Variants in RANBP2 observed in about 807,000 individuals in gnomAD.
RANBP2 encodes the protein RAN binding protein 2, also known as E3 SUMO-protein ligase RanBP2.
In RANBP2, 57 loss-of-function variants were observed where a neutral mutation model predicts 303.6. The ratio of observed to expected loss-of-function variants is 0.19; its 90% CI spans 0.15 to 0.23. The LOEUF (loss-of-function observed/expected upper bound fraction) is 0.23, where lower values mean the gene tolerates loss of function less well. Among genes scored for constraint, RANBP2 ranks in the 10% least tolerant of loss-of-function variants. The pLI is 1.00. For synonymous variants in RANBP2, 1,167 were observed against 1,301.5 expected (o/e 0.90, Z 2.23); for missense variants, 3,138 against 3,780.8 (o/e 0.83, Z 4.46).
the RANBP2 span, among the ~76,000 whole-genome samples, chr2:109,512,484 C>T: frequency 2.0e-5 from 3 of 152,102 alleles, no homozygotes; most frequent in African/African-American, 7.2e-5. Context: ...CTCTGTACCG[C>T]GCTGGGCACC....
the RANBP2 span, among the ~76,000 whole-genome samples, chr2:109,159,325 C>T: frequency 6.6e-6 from 1 of 152,162 alleles, no homozygotes; most frequent in Non-Finnish European, 1.5e-5. Flanking sequence ...CTCGTCCTGC[C>T]GAGAGGGTGC....
the RANBP2 span, among the ~76,000 whole-genome samples, chr2:109,352,406 A>G: frequency 6.6e-6 from 1 of 152,188 alleles, no homozygotes; most frequent in South Asian, 2.1e-4. Context: ...GCCTGGGGGT[A>G]GCGGAGCTGA....
At chr2:108,758,363 A>G (rs756277043) in intron 17 of RANBP2, 50 bp from the exon 18 acceptor site, 1 of 1,609,122 alleles carries the variant, frequency 6.2e-7, no homozygotes, top group Non-Finnish European at 8.5e-7. Context: ...TGTTTCTGTC[A>G]TGATATAATT....
chr2:109,075,579 C>CAAAAAAAAAA, the RANBP2 span, among the ~76,000 whole-genome samples: 4 of 109,672 alleles, frequency 3.6e-5, no homozygotes, highest in East Asian at 2.7e-4. Flanking sequence ...CTTAGACAAA[C>CAAAAAAAAAA]AAAAAAAAAA....
At chr2:109,136,850 C>T in the RANBP2 span, among the ~76,000 whole-genome samples, 1 of 152,130 alleles carries the variant, frequency 6.6e-6, no homozygotes, top group Non-Finnish European at 1.5e-5. Context: ...CACCGGGGCA[C>T]CTGTAAATGT....
At chr2:108,822,205 A>G in the RANBP2 span, among the ~76,000 whole-genome samples, 4 of 152,356 alleles carry the variant, frequency 2.6e-5, no homozygotes, top group Non-Finnish European at 4.4e-5. Context: ...AACTGTTACA[A>G]GAGACAAAGG....
the RANBP2 span, among the ~76,000 whole-genome samples, chr2:109,058,328 G>A: frequency 6.6e-6 from 1 of 152,156 alleles, no homozygotes; most frequent in Non-Finnish European, 1.5e-5. Flanking sequence ...GCATCCAATG[G>A]GACTAGGGTC....
chr2:108,817,176 A>G, the RANBP2 span, among the ~76,000 whole-genome samples: 1 of 152,240 alleles, frequency 6.6e-6, no homozygotes, highest in Non-Finnish European at 1.5e-5. Flanking sequence ...GGTCCTGGTA[A>G]TCACACAAAC....
the RANBP2 span, among the ~76,000 whole-genome samples, chr2:109,172,667 T>C: frequency 6.6e-6 from 1 of 152,332 alleles, no homozygotes; most frequent in Non-Finnish European, 1.5e-5. Context: ...TGGGATCTGA[T>C]ACTGCTGGGC....
chr2:108,736,280 A>G (rs375522599), intron 6 of RANBP2, 31 bp downstream of exon 6: 26 of 1,611,828 alleles, frequency 1.6e-5, no homozygotes, highest in African/African-American at 5.3e-5. Context: ...ATGCTTTAGT[A>G]TAAATTGCAG....
At chr2:109,437,205 C>G in the RANBP2 span, 8 of 1,537,214 alleles carry the variant, frequency 5.2e-6, no homozygotes, top group Non-Finnish European at 7.0e-6. Flanking sequence ...CTGGGACATG[C>G]TTGTGAGACA....
chr2:109,350,739 T>G, the RANBP2 span, among the ~76,000 whole-genome samples: 1 of 152,200 alleles, frequency 6.6e-6, no homozygotes, highest in Non-Finnish European at 1.5e-5. Flanking sequence ...TCTGACAACC[T>G]CCATGTGAAT....
chr2:108,911,416 G>GGAAGGCAGCACAATT, the RANBP2 span, among the ~76,000 whole-genome samples: 1 of 152,032 alleles, frequency 6.6e-6, no homozygotes, highest in African/African-American at 2.4e-5. Flanking sequence ...AACAAGAGTG[G>GGAAGGCAGCACAATT]CTGGAAGGCA....
chr2:108,750,129 G>C (rs1471118308), intron 9 of RANBP2, among the ~76,000 whole-genome samples: 1 of 152,258 alleles, frequency 6.6e-6, no homozygotes, highest in Non-Finnish European at 1.5e-5. Flanking sequence ...CTGGGCGACA[G>C]AGCGAGACTT....
chr2:109,364,175 A>AT, the RANBP2 span, among the ~76,000 whole-genome samples: 35 of 135,742 alleles, frequency 2.6e-4, no homozygotes, highest in South Asian at 7.0e-4. Flanking sequence ...TTTTTTTCTA[A>AT]TTTTTTTTTT....
chr2:108,869,350 C>G, the RANBP2 span, among the ~76,000 whole-genome samples: 1 of 152,126 alleles, frequency 6.6e-6, no homozygotes, highest in Non-Finnish European at 1.5e-5. Flanking sequence ...GTAAATGGCC[C>G]AGTTCTCCAT....
the RANBP2 span, among the ~76,000 whole-genome samples, chr2:109,295,414 T>G: frequency 0.029 from 4,451 of 152,310 alleles, 223 homozygotes; most frequent in African/African-American, 0.1. Flanking sequence ...GTCTTCAGTG[T>G]CTAAAGAACT....
At chr2:109,200,941 G>T in the RANBP2 span, among the ~76,000 whole-genome samples, 1 of 152,142 alleles carries the variant, frequency 6.6e-6, no homozygotes, top group Non-Finnish European at 1.5e-5. Flanking sequence ...TGCAGACCTC[G>T]CAGTGGCCCG....
chr2:109,675,978 A>G, the RANBP2 span, among the ~76,000 whole-genome samples: 1 of 152,248 alleles, frequency 6.6e-6, no homozygotes, highest in African/African-American at 2.4e-5. Flanking sequence ...TGAGAGCACC[A>G]TAGCCAGTGA....
Sources: gnomAD v4.1 joint callset for allele counts (sites outside exome capture counted in the v4.1 genomes callset) on GRCh38, gnomAD v4.1.1 for gene constraint, MANE v1.5 for transcripts, NCBI Gene and HGNC (gene_info 2026-07-23, HGNC 2026-07-21) for gene names.